The following AGAP3 variants were observed in gnomAD, a reference collection of about 807,000 sequenced individuals.
AGAP3 encodes ArfGAP with GTPase domain, ankyrin repeat and PH domain 3.
AGAP3 carries 24 observed loss-of-function variants against 96.9 expected under a neutral mutation model. The ratio of observed to expected loss-of-function variants is 0.25; its 90% CI spans 0.18 to 0.35. AGAP3 has a LOEUF of 0.35. Among genes scored for constraint, AGAP3 ranks in the 10% least tolerant of loss-of-function variants. The probability of loss-of-function intolerance (pLI) is 1.00; values close to 1 mark genes in which losing one functional copy is unlikely to be tolerated. For synonymous variants in AGAP3, 563 were observed against 536.1 expected (o/e 1.05, Z -0.69); for missense variants, 876 against 1,254.2 (o/e 0.70, Z 4.55).
chr7:151,135,217 C>T (rs1167688714), intron 11 of AGAP3, among the ~76,000 whole-genome samples: 1 of 152,228 alleles, frequency 6.6e-6, no homozygotes, highest in Non-Finnish European at 1.5e-5. Context: ...CCGTTTCCCT[C>T]GCTTCCAGAG....
chr7:151,140,362 A>G lies in AGAP3; in HGVS notation c.1804+246A>G. The G allele has an allele frequency of 2.8e-6, 1 of 352,564 alleles. No individual in the cohort carries two copies. The highest frequency in any genetic ancestry group is 5.0e-6 in the Non-Finnish European group (1 of 201,524). 21.8% of individuals were successfully genotyped at this position (352,564 alleles called of 1,614,324 possible). On this transcript the variant is annotated intron_variant, in intron 13 of 17. Transcript: ENST00000397238. The surrounding 1 kb of genome is among the most constrained non-coding windows in gnomAD (Gnocchi z 5.4). The stretch of plus-strand genomic sequence containing the variant: ...GGCTTACTTCATTTATTCTTAAGGT[A>G]AAAGACAGCAGACTGCTACATCAAT...
intron 1 of AGAP3, among the ~76,000 whole-genome samples, chr7:151,115,995 C>G (rs1169046792): frequency 1.3e-5 from 2 of 152,216 alleles, no homozygotes; most frequent in Non-Finnish European, 2.9e-5. Flanking sequence ...CATAACTGCT[C>G]TTTGACACAA....
Position 151,138,259 on chromosome 7 carries a change from G to A in AGAP3, c.1612G>A (p.Ala538Thr), listed in dbSNP as rs775003565. 32 of 1,612,760 alleles carry A rather than the reference G, an allele frequency of 2.0e-5. No homozygotes were observed. The East Asian group carries it at 2.2e-4, about 11-fold the overall frequency. The change falls in exon 12 of 18, where the codon GCC becomes ACC. Residue 538 changes from alanine (A) to threonine (T), a missense_variant. Physicochemically the swap from Ala to Thr is moderately conservative, Grantham distance 58. Coordinates refer to ENST00000397238, the MANE Select transcript of AGAP3 (RefSeq NM_031946.7). ...LHQRSCSVSS[A>T]DQWSEATTSL... ...CCAGCGCTCCTGCTCCGTTTCCAGC[G>A]CCGACCAGTGGAGTGAGGCCACCAC...
At chr7:151,087,939 C>A (rs1471115617) in intron 1 of AGAP3, among the ~76,000 whole-genome samples, 1 of 152,284 alleles carries the variant, frequency 6.6e-6, no homozygotes, top group East Asian at 1.9e-4. Flanking sequence ...GCATGGTGAC[C>A]TTCGAGCGGG....
chr7:151,111,510 T>A (rs1002734592), intron 1 of AGAP3, among the ~76,000 whole-genome samples: 4 of 152,150 alleles, frequency 2.6e-5, no homozygotes, highest in African/African-American at 4.8e-5. Context: ...ACCAGCTTTC[T>A]CTTTCTGGCA....
chr7:151,087,917 G>T (rs997857136), intron 1 of AGAP3, among the ~76,000 whole-genome samples: 2 of 152,262 alleles, frequency 1.3e-5, no homozygotes, highest in African/African-American at 4.8e-5. Flanking sequence ...GGCACCCGCA[G>T]GCACCCCGGT....
intron 1 of AGAP3, among the ~76,000 whole-genome samples, chr7:151,099,448 C>A (rs1798750657): frequency 6.6e-6 from 1 of 151,962 alleles, no homozygotes; most frequent in African/African-American, 2.4e-5. Flanking sequence ...CAGACAAATC[C>A]ATTTAAAAGT....
chr7:151,113,294 C>A (rs1437137738), intron 1 of AGAP3, among the ~76,000 whole-genome samples: 1 of 152,234 alleles, frequency 6.6e-6, no homozygotes, highest in Non-Finnish European at 1.5e-5. Context: ...GGGGAACATG[C>A]ATCCCATACA....
At chr7:151,127,032 T>C (rs1327591501) in intron 9 of AGAP3, among the ~76,000 whole-genome samples, 1 of 152,196 alleles carries the variant, frequency 6.6e-6, no homozygotes, top group Non-Finnish European at 1.5e-5. Flanking sequence ...TCACAGCTGC[T>C]GGGGCCGCTG....
chr7:151,111,040 G>A (rs960714263), intron 1 of AGAP3, among the ~76,000 whole-genome samples: 1 of 152,060 alleles, frequency 6.6e-6, no homozygotes, highest in Non-Finnish European at 1.5e-5. Context: ...CCCGCCCCCC[G>A]TCTTCTCCTC....
intron 1 of AGAP3, among the ~76,000 whole-genome samples, chr7:151,107,837 T>A (rs1009626189): frequency 6.6e-6 from 1 of 152,170 alleles, no homozygotes; most frequent in Non-Finnish European, 1.5e-5. Flanking sequence ...GGGTCAGTTA[T>A]GAGAAAAAGG....
rs1410926758 is a variant in AGAP3, at chr7:151,114,382, T to C, written c.332-2411T>C. Among the ~76,000 whole-genome samples, 1 of 152,152 alleles carries C rather than the reference T, an allele frequency of 6.6e-6. No individual in the cohort carries two copies. Among genetic ancestry groups the C allele is most frequent in the Non-Finnish European group, 1.5e-5 (1 of 68,042 alleles). Reference sequence around the variant, plus strand: ...CGCTTTTCTCCAAAATGGGGCCCAGTGTGTGGTGGACTGAGGACTGTTATT... The same window carrying C: ...CGCTTTTCTCCAAAATGGGGCCCAGCGTGTGGTGGACTGAGGACTGTTATT... On this transcript the variant is annotated intron_variant, in intron 1 of 17. Transcript: ENST00000397238. This position sits in a 1 kb window ranked among gnomAD's most constrained non-coding sequence, Gnocchi z 4.4.
chr7:151,115,602 C>G, intron 1 of AGAP3: 6 of 1,166,600 alleles, frequency 5.1e-6, no homozygotes, highest in Non-Finnish European at 6.3e-6. Context: ...GTGGGGCCGT[C>G]GGGCGGCTGC....
intron 1 of AGAP3, among the ~76,000 whole-genome samples, chr7:151,098,360 C>T (rs1228759840): frequency 2.0e-5 from 3 of 151,828 alleles, no homozygotes; most frequent in African/African-American, 2.4e-5. Flanking sequence ...CCCTGGCACA[C>T]ACACACACAT....
In AGAP3 at chr7:151,143,353, A is replaced by T. The variant is rs145553128; in HGVS notation, c.2286A>T (p.Glu762Asp). Reference sequence around the variant, plus strand: ...CCTGTGGTTGCAGAGAGGAGAAGGAACGCTGGATACGGGCCAAGTATGAAC... The same window carrying T: ...CCTGTGGTTGCAGAGAGGAGAAGGATCGCTGGATACGGGCCAAGTATGAAC... ...PGPDACREEK[E>D]RWIRAKYEQK... The change falls in exon 17 of 18, where the codon GAA (glutamate) becomes GAT (aspartate). Residue 762 changes from glutamate (E) to aspartate (D), a missense_variant. By Grantham distance (45) the Glu-to-Asp change is conservative. This residue lies in a region of AGAP3 where 213 missense variants were observed against 253.8 expected (regional missense o/e 0.84). Transcript: ENST00000397238. The surrounding 1 kb of genome is among the most constrained non-coding windows in gnomAD (Gnocchi z 5.9). The T allele has an allele frequency of 2.5e-3, 3,959 of 1,611,798 alleles. 6 individuals are homozygous for T. Among genetic ancestry groups the T allele is most frequent in the Non-Finnish European group, 3.1e-3 (3,699 of 1,178,424 alleles).
intron 8 of AGAP3, chr7:151,123,116 TG>T (rs1639304195): frequency 1.8e-6 from 2 of 1,119,142 alleles, no homozygotes; most frequent in Non-Finnish European, 2.2e-6. Flanking sequence ...CGGCTGCTCC[TG>T]GGGGGCGCTT....
intron 1 of AGAP3, among the ~76,000 whole-genome samples, chr7:151,101,798 G>A (rs1798843997): frequency 6.6e-6 from 1 of 152,184 alleles, no homozygotes; most frequent in East Asian, 1.9e-4. Context: ...GGTCTCGGGA[G>A]GCCGGGAGAG....
chr7:151,129,367 G>A (rs540265098), intron 10 of AGAP3, among the ~76,000 whole-genome samples: 161 of 152,152 alleles, frequency 1.1e-3, no homozygotes, highest in Non-Finnish European at 1.8e-3. Flanking sequence ...AGAAGCTCTG[G>A]GCCTGCCTCT....
At chr7:151,125,840 G>A (rs1800135611) in intron 9 of AGAP3, among the ~76,000 whole-genome samples, 1 of 152,274 alleles carries the variant, frequency 6.6e-6, no homozygotes, top group Admixed American at 6.5e-5. Context: ...TGGCGGAGCT[G>A]GGAGGGAGGC....
Sources: allele counts gnomAD v4.1 joint callset (sites outside exome capture counted in the v4.1 genomes callset), GRCh38; gene constraint gnomAD v4.1.1; regional missense constraint gnomAD v4.1.1; non-coding constraint Gnocchi (gnomAD v3.1); transcripts MANE v1.5; gene names NCBI Gene and HGNC (gene_info 2026-07-23, HGNC 2026-07-21).